SRGAP1: variants seen among roughly 807,000 people sequenced by gnomAD.
SRGAP1 encodes SLIT-ROBO Rho GTPase activating protein 1, also known as SLIT-ROBO Rho GTPase-activating protein 1.
A neutral mutation model predicts 121.9 loss-of-function variants in SRGAP1; 43 were observed. That is an observed-to-expected ratio of 0.35 (90% CI 0.28 to 0.46). The LOEUF (loss-of-function observed/expected upper bound fraction) is 0.46, where lower values mean the gene tolerates loss of function less well. SRGAP1 is among the 20% of genes least tolerant of loss of function. The probability of loss-of-function intolerance (pLI) is 1.00; values close to 1 mark genes in which losing one functional copy is unlikely to be tolerated. For synonymous variants in SRGAP1, 447 were observed against 485.4 expected, an observed-to-expected ratio of 0.92 and a Z score of 1.04; for missense variants, 1,102 against 1,350.9, an observed-to-expected ratio of 0.82 and a Z score of 2.89.
chr12:64,077,674 C>T (rs1216538536), intron 8 of SRGAP1, among the ~76,000 whole-genome samples: 1 of 151,592 alleles, frequency 6.6e-6, no homozygotes, highest in Non-Finnish European at 1.5e-5. Flanking sequence ...TAAATAAGCT[C>T]CTAACAGATA....
At chr12:64,047,025 A>G (rs1276224288) in intron 6 of SRGAP1, among the ~76,000 whole-genome samples, 1 of 152,202 alleles carries the variant, frequency 6.6e-6, no homozygotes, top group East Asian at 1.9e-4. Context: ...TAACTTCCAG[A>G]TCTAATTGAC....
At chr12:63,949,489 G>A (rs934540280) in intron 1 of SRGAP1, among the ~76,000 whole-genome samples, 5 of 150,314 alleles carry the variant, frequency 3.3e-5, no homozygotes, top group East Asian at 2.0e-4. Flanking sequence ...GTGCAGTGGC[G>A]TGATGTTGGC....
In SRGAP1 at chr12:64,153,879, C is replaced by T. The variant is rs1482086403; in HGVS notation, c.*11207C>T. ...GTTCACGCAGCTTAATTCACAATAG[C>T]CACAAGAGAGAAGCAACCCATGAAT... On this transcript the variant is annotated 3_prime_UTR_variant, in exon 22 of 22. Transcript: ENST00000355086. 3 of 152,124 alleles carry T rather than the reference C, an allele frequency of 2.0e-5. No individual in the cohort carries two copies. The East Asian group carries it at 5.8e-4, about 29-fold the overall frequency. 9.4% of individuals were successfully genotyped at this position (152,124 alleles called of 1,614,324 possible). A position where few individuals can be genotyped will look rare whatever the true frequency, so the allele number is the denominator to read the frequency against.
chr12:63,920,530 G>T (rs2030999718), intron 1 of SRGAP1, among the ~76,000 whole-genome samples: 1 of 152,170 alleles, frequency 6.6e-6, no homozygotes, highest in African/African-American at 2.4e-5. Flanking sequence ...GACATGACAA[G>T]GCGATTAGAA....
chr12:63,878,185 T>C (rs1337084722), intron 1 of SRGAP1, among the ~76,000 whole-genome samples: 1 of 152,234 alleles, frequency 6.6e-6, no homozygotes, highest in African/African-American at 2.4e-5. Flanking sequence ...TTATCTGTAC[T>C]GCTGCCTGCT....
chr12:64,041,170 TG>T (rs137858514), intron 4 of SRGAP1, among the ~76,000 whole-genome samples: 3,336 of 152,128 alleles, frequency 0.022, 134 homozygotes, highest in African/African-American at 0.075. Flanking sequence ...TTTTTAACAA[TG>T]GGGAATTAAG....
chr12:64,148,726 A>AAAAC lies in SRGAP1; in HGVS notation c.*6056_*6059dup, dbSNP rs1423341045. ...TAAAAAATGACAGGCAAATCAAGGAAAAACACTTTTTATTAAAGTGCAGAA... is the reference window on the plus strand; with the variant it reads ...TAAAAAATGACAGGCAAATCAAGGAAAAACAAACACTTTTTATTAAAGTGCAGAA... On this transcript the variant is annotated 3_prime_UTR_variant, in exon 22 of 22. Transcript: ENST00000355086. 1 of 152,250 alleles carries AAAAC rather than the reference A, an allele frequency of 6.6e-6. No homozygotes were observed. The highest frequency in any genetic ancestry group is 1.5e-5 in the Non-Finnish European group (1 of 68,048). The allele number at this position is 152,250 out of a possible 1,614,324, so 9.4% of individuals were successfully genotyped here.
chr12:63,969,843 T>C (rs1438226517), intron 1 of SRGAP1, among the ~76,000 whole-genome samples: 1 of 151,724 alleles, frequency 6.6e-6, no homozygotes, highest in Non-Finnish European at 1.5e-5. Flanking sequence ...AAGACAAGCA[T>C]GTACAGACCA....
At chr12:64,000,302 C>A (rs2033848472) in intron 3 of SRGAP1, among the ~76,000 whole-genome samples, 2 of 146,432 alleles carry the variant, frequency 1.4e-5, no homozygotes, top group East Asian at 2.0e-4. Flanking sequence ...GATGTTAGGA[C>A]AAACTAGTTT....
chr12:64,124,876 G>A (rs1176475421), intron 18 of SRGAP1, among the ~76,000 whole-genome samples: 4 of 151,924 alleles, frequency 2.6e-5, no homozygotes, highest in African/African-American at 9.7e-5. Flanking sequence ...TGTCAATGGT[G>A]ATATCTTACA....
chr12:63,871,083 A>G (rs1392354500), intron 1 of SRGAP1, among the ~76,000 whole-genome samples: 1 of 152,186 alleles, frequency 6.6e-6, no homozygotes, highest in Non-Finnish European at 1.5e-5. Flanking sequence ...CTGATGCTGT[A>G]GGTCAAGGAC....
At chr12:63,966,542 C>G (rs549419854) in intron 1 of SRGAP1, among the ~76,000 whole-genome samples, 1 of 148,082 alleles carries the variant, frequency 6.8e-6, no homozygotes, top group South Asian at 2.1e-4. Flanking sequence ...GTTTTCTCAG[C>G]TGTTAGCTAT....
chr12:63,862,953 G>GTAGGGAA (rs1344192053), intron 1 of SRGAP1, among the ~76,000 whole-genome samples: 3 of 152,182 alleles, frequency 2.0e-5, no homozygotes, highest in African/African-American at 7.2e-5. Flanking sequence ...TAGAGGAGAG[G>GTAGGGAA]TAGGGAAAAA....
At chr12:64,108,834 C>T (rs1389182134) in intron 15 of SRGAP1, 98 bp from the exon 16 acceptor site, 1 of 732,630 alleles carries the variant, frequency 1.4e-6, no homozygotes, top group African/African-American at 1.8e-5. Flanking sequence ...CAGGGTGTTG[C>T]TTATATTCAG....
intron 1 of SRGAP1, among the ~76,000 whole-genome samples, chr12:63,908,049 C>G (rs746856614): frequency 1.3e-5 from 2 of 152,116 alleles, no homozygotes; most frequent in African/African-American, 2.4e-5. Flanking sequence ...TAATTCTGTT[C>G]CATTGATGTA....
chr12:64,043,431 ATCT>A lies in SRGAP1; in HGVS notation c.673-10_673-8del. 1.2e-6 allele frequency: 2 copies of A among 1,603,728 alleles called. No homozygotes were observed. The highest frequency in any genetic ancestry group is 1.3e-5 in the African/African-American group (1 of 74,614). ...CTTTGCATTCTTTCCCAATGCCTGG[ATCT>A]TCTTCATTCCAGAGACAAGCAAAAT... On this transcript the variant is annotated splice_polypyrimidine_tract_variant and intron_variant, in intron 5 of 21. Transcript: ENST00000355086.
chr12:63,967,293 T>G (rs1186177264), intron 1 of SRGAP1, among the ~76,000 whole-genome samples: 3 of 152,118 alleles, frequency 2.0e-5, no homozygotes, highest in African/African-American at 7.2e-5. Flanking sequence ...ATAAAAAAAC[T>G]TAGCCACATG....
At chr12:63,944,052 G>A (rs1036867737) in intron 1 of SRGAP1, among the ~76,000 whole-genome samples, 9 of 152,180 alleles carry the variant, frequency 5.9e-5, no homozygotes, top group Non-Finnish European at 8.8e-5. Context: ...TGGTAAGGAG[G>A]AATGGGTAGC....
chr12:63,930,328 TA>T lies in SRGAP1; in HGVS notation c.68-53595del, dbSNP rs755253203. Among the ~76,000 whole-genome samples, 380 of 60,076 alleles carry T rather than the reference TA, an allele frequency of 6.3e-3. 1 individual carries two copies. The highest frequency in any genetic ancestry group is 0.016 in the African/African-American group (269 of 16,838). The allele number at this position is 60,076 out of a possible 152,430, so 39.4% of individuals were successfully genotyped here. A position where few individuals can be genotyped will look rare whatever the true frequency, so the allele number is the denominator to read the frequency against. ...CAACATGGTGAAACATCGTCTCTAC[TA>T]AAAAAAAAAAAAAAAAAAAAAAAGG... On this transcript the variant is annotated intron_variant, in intron 1 of 21. Coordinates refer to ENST00000355086, the MANE Select transcript of SRGAP1 (RefSeq NM_020762.4).
Sources: allele counts gnomAD v4.1 joint callset (sites outside exome capture counted in the v4.1 genomes callset), GRCh38; gene constraint gnomAD v4.1.1; transcripts MANE v1.5; gene names NCBI Gene and HGNC (gene_info 2026-07-23, HGNC 2026-07-21).